Variants in TTN observed in about 807,000 individuals in gnomAD.
The protein encoded by TTN is connectin.
Under a neutral mutation model 3,223.0 loss-of-function variants are expected in TTN, and 1,525 were observed. That is an observed-to-expected ratio of 0.47 (90% CI 0.45 to 0.49). The LOEUF is 0.49. Ranked by LOEUF, TTN falls within the 20% of genes least tolerant of loss-of-function variation. The pLI is 0.00. For missense variants in TTN, 40,786 were observed against 43,424.0 expected, an observed-to-expected ratio of 0.94 and a Z score of 5.40; for synonymous variants, 14,094 against 15,161.0, an observed-to-expected ratio of 0.93 and a Z score of 5.17.
intron 14 of TTN, 38 bp downstream of exon 14, chr2:178,785,810 C>T: frequency 6.2e-7 from 1 of 1,614,094 alleles, no homozygotes; most frequent in Non-Finnish European, 8.5e-7. Context: ...GCTTGCTTTA[C>T]CATGAACAAG....
rs778385749 is a variant in TTN at position 178,564,606 on chromosome 2, G to C, written c.81526C>G (p.Arg27176Gly). Residue 27176 changes from arginine (R) to glycine (G), a missense_variant, in exon 326 of 363, where the codon CGC becomes GGC. Arg to Gly is a moderately radical substitution (Grantham distance 125, BLOSUM62 -2). Coordinates refer to ENST00000589042, the MANE Select transcript of TTN (RefSeq NM_001267550.2). ...VARDPCDPPGRPEAIVITRNN... is the reference protein window; with the variant it reads ...VARDPCDPPGGPEAIVITRNN... ...CTTGTAATAACAATGGCTTCAGGGC[G>C]ACCAGGTGGGTCACATGGATCACGA... is the stretch of plus-strand genomic sequence containing the variant. 2.5e-6 allele frequency: 4 copies of C among 1,613,428 alleles called. No individual in the cohort carries two copies. Among genetic ancestry groups the C allele is most frequent in the Non-Finnish European group, 3.4e-6 (4 of 1,179,686 alleles).
rs778130826 is a variant in TTN, at chr2:178,678,801, C to T, written c.33772G>A (p.Glu11258Lys). 2.5e-6 allele frequency: 4 copies of T among 1,603,574 alleles called. No homozygotes were observed. In the African/African-American group the frequency reaches 4.0e-5, roughly 16 times the overall value. Residue 11258 changes from glutamate (E) to lysine (K), a missense_variant, in exon 143 of 363, where the codon GAG becomes AAG. Glu to Lys is a moderately conservative substitution (Grantham distance 56). Transcript: ENST00000589042. ...VPEVPKKPVP[E>K]EKVPVPVPKK... Reference sequence around the variant, plus strand: ...GGAACTGGTACTGGTACTTTCTCCTCTGGCACAGGTTTCTTGGGCACTTCA... The same window carrying T: ...GGAACTGGTACTGGTACTTTCTCCTTTGGCACAGGTTTCTTGGGCACTTCA...
At chr2:178,537,291 A>G in intron 355 of TTN, 48 bp from the exon 356 acceptor site, 3 of 1,531,182 alleles carry the variant, frequency 2.0e-6, no homozygotes, top group Non-Finnish European at 2.6e-6. Context: ...TGTGTTTTTG[A>G]GATTTTTTTT....
rs375744985 is a variant in TTN at position 178,560,700 on chromosome 2, C to T, written c.85432G>A (p.Asp28478Asn). Residue 28478 changes from aspartate (D) to asparagine (N), a missense_variant, in exon 326 of 363, where the codon GAT (aspartate) becomes AAT (asparagine). Asp to Asn is a conservative substitution (Grantham distance 23). Coordinates refer to ENST00000589042, the MANE Select transcript of TTN (RefSeq NM_001267550.2). ...TAATAGTCGATATCTGCACCACCAT[C>T]TTCTTGGGGACGTCCCCAGGAAAGA... ...CSLSWGRPQE[D>N]GGADIDYYIV... 7.4e-6 allele frequency: 12 copies of T among 1,613,564 alleles called. No individual in the cohort carries two copies. In the African/African-American group the frequency reaches 1.5e-4, roughly 20 times the overall value.
rs373905235 is a variant in TTN, at chr2:178,723,871, C to G, written c.21388G>C (p.Val7130Leu). Residue 7130 changes from valine (V) to leucine (L), a missense_variant, in exon 73 of 363, where the codon GTG (valine) becomes CTG (leucine). By Grantham distance (32) the Val-to-Leu change is conservative. Transcript: ENST00000589042. ...GTCTACTGACCTTGTACAGTTAGCA[C>G]TGCACGACATTCATCAGACCCAGCG... ...NVAGSDECRA[V>L]LTVQEPPSFV... 2.5e-6 allele frequency: 4 copies of G among 1,610,870 alleles called. No individual in the cohort carries two copies. Among genetic ancestry groups the G allele is most frequent in the Non-Finnish European group, 3.4e-6 (4 of 1,177,904 alleles).
In TTN at chr2:178,717,635, A is replaced by C. The variant is rs772142595; in HGVS notation, c.25239T>G (p.Asn8413Lys). 2 of 1,613,402 alleles carry C rather than the reference A, an allele frequency of 1.2e-6. No homozygotes were observed. Among genetic ancestry groups the C allele is most frequent in the South Asian group, 2.2e-5 (2 of 90,996 alleles). The change falls in exon 87 of 363, where the codon AAT (asparagine) becomes AAG (lysine). Residue 8413 changes from asparagine (N) to lysine (K), a missense_variant. Asn to Lys is a moderately conservative substitution (Grantham distance 94). Transcript: ENST00000589042. ...TTTGTAAAATCTGAAGAGTTGCTAC[A>C]TTATGAACAAAAGATGTCTGCAAAT... ...DANLQTSFVH[N>K]VATLQILQTD...
intron 74 of TTN, 36 bp from the exon 75 acceptor site, chr2:178,723,360 A>G: frequency 1.2e-6 from 2 of 1,604,276 alleles, no homozygotes; most frequent in East Asian, 4.5e-5. Flanking sequence ...TAAACACAAG[A>G]AAAACACAAG....
In TTN at chr2:178,536,643, A is replaced by T. The variant is rs1691640717; in HGVS notation, c.100172-68T>A. The stretch of plus-strand genomic sequence containing the variant: ...CAGCTTTATTAAAGCTTATTTTTTT[A>T]AAAAAGAATGTTATATGAGTCCAAA... On this transcript the variant is annotated intron_variant, in intron 356 of 362. Coordinates refer to ENST00000589042, the MANE Select transcript of TTN (RefSeq NM_001267550.2). 3.0e-6 allele frequency: 4 copies of T among 1,348,196 alleles called. No homozygotes were observed. In the South Asian group the frequency reaches 6.7e-5, roughly 22 times the overall value. The allele number at this position is 1,348,196 out of a possible 1,614,324, so 83.5% of individuals were successfully genotyped here.
rs752077995 is a variant in TTN at position 178,611,114 on chromosome 2, A to G, written c.51015T>C (p.Asn17005=). The G allele has an allele frequency of 4.3e-6, 7 of 1,612,748 alleles. No individual in the cohort carries two copies. The highest frequency in any genetic ancestry group is 5.9e-6 in the Non-Finnish European group (7 of 1,179,254). Residue 17005 remains asparagine (N), a synonymous_variant, in exon 270 of 363, where the codon AAT becomes AAC. Coordinates refer to ENST00000589042, the MANE Select transcript of TTN (RefSeq NM_001267550.2). ...CTTCAAGGTGTGCAGAGATGTGATCATTCTTCATTGTTAATCTATCACTTG... is the reference window on the plus strand; with the variant it reads ...CTTCAAGGTGTGCAGAGATGTGATCGTTCTTCATTGTTAATCTATCACTTG... ...VKASDRLTMK[N]DHISAHLEVP... is the part of the protein sequence containing the mutation.
rs2061346231 is a variant in TTN at position 178,642,303 on chromosome 2, T to G, written c.40492A>C (p.Lys13498Gln). ...TCCGGAAGTAATTTGCGAACTTTCT[T>G]TTCACCTCCAGGCACTTAAAAGAAT... ...LTPLKVPGGE[K>Q]KVRKLLPERK... The change falls in exon 219 of 363, where the codon AAG becomes CAG. Residue 13498 changes from lysine (K) to glutamine (Q), a missense_variant. By Grantham distance (53) the Lys-to-Gln change is moderately conservative. Transcript: ENST00000589042. 1 of 1,592,278 alleles carries G rather than the reference T, an allele frequency of 6.3e-7. No individual in the cohort carries two copies. The highest frequency in any genetic ancestry group is 1.7e-5 in the Admixed American group (1 of 57,178).
chr2:178,635,232 G>C lies in TTN; in HGVS notation c.41957C>G (p.Ala13986Gly). The change falls in exon 228 of 363, where the codon GCA becomes GGA. Residue 13986 changes from alanine (A) to glycine (G), a missense_variant. Ala to Gly is a moderately conservative substitution (Grantham distance 60, BLOSUM62 0). Transcript: ENST00000589042. Reference protein sequence around the residue: ...IYEKESASFDAEISEADIPGQ... With the variant: ...IYEKESASFDGEISEADIPGQ... ...AGGAATGTCTGCCTCTGAGATTTCT[G>C]CATCAAAGCTTGCACTTTCTTTCTC... 6.2e-7 allele frequency: 1 copy of C among 1,613,266 alleles called. No homozygotes were observed. Among genetic ancestry groups the C allele is most frequent in the South Asian group, 1.1e-5 (1 of 91,054 alleles).
In TTN at chr2:178,779,006, T is replaced by C. The variant is rs370978752; in HGVS notation, c.4076A>G (p.Glu1359Gly). Residue 1359 changes from glutamate (E) to glycine (G), a missense_variant, in exon 24 of 363, where the codon GAA becomes GGA. Glu to Gly is a moderately conservative substitution (Grantham distance 98, BLOSUM62 -2). Transcript: ENST00000589042. ...GCTGGCAAATGCAGTGTAGATTCCTTCATCTTCTGGAAGAACAACAGGTAT... is the reference window on the plus strand; with the variant it reads ...GCTGGCAAATGCAGTGTAGATTCCTCCATCTTCTGGAAGAACAACAGGTAT... The part of the protein sequence containing the change: ...LRIPVVLPED[E>G]GIYTAFASNI... 68 of 1,613,252 alleles carry C rather than the reference T, an allele frequency of 4.2e-5. No individual in the cohort carries two copies. The Middle Eastern group carries it at 4.9e-4, about 12-fold the overall frequency.
At chr2:178,649,653 T>G (rs772246461) in intron 211 of TTN, 22 bp from the exon 212 acceptor site, 22 of 1,550,456 alleles carry the variant, frequency 1.4e-5, no homozygotes, top group Non-Finnish European at 1.7e-5. Flanking sequence ...TCAGTAGCAT[T>G]TAATAATACA....
At chr2:178,688,066 C>G (rs2071357850) in intron 127 of TTN, 45 bp downstream of exon 127, 1 of 1,532,114 alleles carries the variant, frequency 6.5e-7, no homozygotes, top group South Asian at 1.1e-5. Context: ...AAGAAAACAC[C>G]TCATCAAAAC....
intron 2 of TTN, among the ~76,000 whole-genome samples, chr2:178,803,815 A>AT (rs1186813685): frequency 6.6e-6 from 1 of 151,984 alleles, no homozygotes; most frequent in Non-Finnish European, 1.5e-5. Context: ...ACTACTCTCC[A>AT]TTTTTTCATA....
rs765822597 is a variant in TTN at position 178,630,835 on chromosome 2, T to G, written c.44123A>C (p.Lys14708Thr). ...TTGGAGTAGGGCCTCTCCCTTGAGT[T>G]TCCAGTTGGCGTGGATATCATCTTC... ...ISEDDIHANW[K>T]LKGEALLQTP... is the part of the protein sequence containing the mutation. The change falls in exon 238 of 363, where the codon AAA becomes ACA. Residue 14708 changes from lysine to threonine, a missense_variant. By Grantham distance (78) the Lys-to-Thr change is moderately conservative. Coordinates refer to ENST00000589042, the MANE Select transcript of TTN (RefSeq NM_001267550.2). 4.3e-6 allele frequency: 7 copies of G among 1,613,234 alleles called. No homozygotes were observed. In the African/African-American group the frequency reaches 6.7e-5, roughly 15 times the overall value.
chr2:178,544,883 A>C (rs559329682), intron 344 of TTN, among the ~76,000 whole-genome samples: 4 of 152,156 alleles, frequency 2.6e-5, no homozygotes, highest in Non-Finnish European at 4.4e-5. Flanking sequence ...GAATACAAGA[A>C]TTGGTTTCCT....
Position 178,612,369 on chromosome 2 carries a change from G to T in TTN, c.50156C>A (p.Ser16719Tyr), listed in dbSNP as rs1416967090. 1 of 1,612,522 alleles carries T rather than the reference G, an allele frequency of 6.2e-7. No homozygotes were observed. Among genetic ancestry groups the T allele is most frequent in the Non-Finnish European group, 8.5e-7 (1 of 1,179,190 alleles). The change falls in exon 266 of 363, where the codon TCT (serine) becomes TAT (tyrosine). Residue 16719 changes from serine to tyrosine, a missense_variant. Coordinates refer to ENST00000589042, the MANE Select transcript of TTN (RefSeq NM_001267550.2). The part of the protein sequence containing the change: ...KCTVTPLTEG[S>Y]LYVFRVAAEN... ...TGCAGCAACTCGGAACACATATAAAGAGCCCTCAGTCAGTGGGGTGACTGT... is the reference window on the plus strand; with the variant it reads ...TGCAGCAACTCGGAACACATATAAATAGCCCTCAGTCAGTGGGGTGACTGT...
In TTN at chr2:178,620,824, G is replaced by A. The variant is rs532009022; in HGVS notation, c.45786C>T (p.Tyr15262=). 40 of 1,612,716 alleles carry A rather than the reference G, an allele frequency of 2.5e-5. No homozygotes were observed. The South Asian group carries it at 4.3e-4, about 17-fold the overall frequency. The change falls in exon 247 of 363, where the codon TAC becomes TAT. Residue 15262 remains tyrosine, a synonymous_variant. Coordinates refer to ENST00000589042, the MANE Select transcript of TTN (RefSeq NM_001267550.2). ...KYIILQKDLV[Y]TLRIRDAHLD... The stretch of plus-strand genomic sequence containing the variant: ...AGTGTGCATCTCTAATTCTGAGGGT[G>A]TAGACTAGGTCTTTTTGGAGAATGA...
Sources: allele counts gnomAD v4.1 joint callset (sites outside exome capture counted in the v4.1 genomes callset), GRCh38; gene constraint gnomAD v4.1.1; transcripts MANE v1.5; gene names NCBI Gene and HGNC (gene_info 2026-07-23, HGNC 2026-07-21).